The following CEACAM19 variants were observed in gnomAD, a reference collection of about 807,000 sequenced individuals.
CEACAM19 encodes CEA cell adhesion molecule 19.
Under a neutral mutation model 37.6 loss-of-function variants are expected in CEACAM19, and 37 were observed. The observed-to-expected ratio is 0.98, with a 90% confidence interval of 0.76 to 1.29. The LOEUF is 1.29. CEACAM19 is among the 50% of genes most tolerant of loss of function. The pLI is 0.00. For synonymous variants in CEACAM19, 140 were observed against 149.8 expected, an observed-to-expected ratio of 0.93 and a Z score of 0.48; for missense variants, 340 against 375.6, an observed-to-expected ratio of 0.91 and a Z score of 0.78.
At chr19:44,667,849 C>CAATATATATAAATTATATATAATATATA (rs1568512313), upstream of CEACAM19, among the ~76,000 whole-genome samples, 2 of 57,288 alleles carry the variant, frequency 3.5e-5, no homozygotes, top group Admixed American at 3.4e-4. Flanking sequence ...ATAATATATA[C>CAATATATATAAATTATATATAATATATA]AATATATATA....
At chr19:44,667,583 ATG>A (rs1220201093), upstream of CEACAM19, among the ~76,000 whole-genome samples, 2 of 110,040 alleles carry the variant, frequency 1.8e-5, no homozygotes, top group South Asian at 2.3e-4. Flanking sequence ...TAAATTATAT[ATG>A]TATATATTTT....
Position 44,680,063 on chromosome 19 carries a change from A to G in CEACAM19, c.660-225A>G, listed in dbSNP as rs115889949. Among the ~76,000 whole-genome samples, 1,128 of 152,242 alleles carry G rather than the reference A, an allele frequency of 7.4e-3. 19 individuals carry two copies. The highest frequency in any genetic ancestry group is 0.026 in the African/African-American group (1,087 of 41,542). ...TCTCTGTAAATGGTGATGTCTGGGGAACACTATTCATTGGCATAAGGTGGT... is the reference window on the plus strand; with the variant it reads ...TCTCTGTAAATGGTGATGTCTGGGGGACACTATTCATTGGCATAAGGTGGT... On this transcript the variant is annotated intron_variant, in intron 4 of 7. Transcript: ENST00000358777.
At position 44,684,347 on chromosome 19, in the gene CEACAM19, A is replaced by G. The variant is rs965417735; in HGVS notation, c.*857A>G. On this transcript the variant is annotated 3_prime_UTR_variant, in exon 8 of 8. Transcript: ENST00000358777. ...GGGGAAAGAATCAGGAAATAAAATA[A>G]ATAATGAACATGCGTTGTCTGTCAG... is the stretch of plus-strand genomic sequence containing the variant. 4 of 152,098 alleles carry G rather than the reference A, an allele frequency of 2.6e-5. No homozygotes were observed. The highest frequency in any genetic ancestry group is 4.4e-5 in the Non-Finnish European group (3 of 68,022). The allele number at this position is 152,098 out of a possible 1,614,324, so 9.4% of individuals were successfully genotyped here. A position where few individuals can be genotyped will look rare whatever the true frequency, so the allele number is the denominator to read the frequency against.
At chr19:44,666,275 C>T (rs2123779724) in intron 1 of CEACAM19, 1 of 152,286 alleles carries the variant, frequency 6.6e-6, no homozygotes, top group Non-Finnish European at 1.5e-5. Flanking sequence ...ACCGGAAAAT[C>T]CAGAATAGCT....
At chr19:44,678,576 A>C in intron 3 of CEACAM19, 1 of 241,092 alleles carries the variant, frequency 4.1e-6, no homozygotes, top group Non-Finnish European at 7.9e-6. Flanking sequence ...TCGCCTGGCT[A>C]ATTTTTGTAT....
At position 44,682,596 on chromosome 19, in the gene CEACAM19, G is replaced by A. The variant is rs376767671; in HGVS notation, c.822G>A (p.Ala274=). ...RPLPTPPHLQ[A]EPENHQYQDL... is the part of the protein sequence containing the mutation. ...TGCCCACACCCCCACACCTGCAGGC[G>A]GAGCCAGAGAACCACCAGTACCAGG... Residue 274 remains alanine (A), a synonymous_variant, in exon 7 of 8, where the codon GCG becomes GCA. Transcript: ENST00000358777. The A allele has an allele frequency of 2.1e-5, 34 of 1,604,938 alleles. 1 individual carries two copies. The highest frequency in any genetic ancestry group is 4.5e-5 in the South Asian group (4 of 89,302).
upstream of CEACAM19, among the ~76,000 whole-genome samples, chr19:44,669,069 C>T (rs907045584): frequency 9.2e-5 from 14 of 151,590 alleles, no homozygotes; most frequent in African/African-American, 3.4e-4. Context: ...ATCTGCCTGC[C>T]TCTGCCTCCC....
chr19:44,668,012 T>TA (rs1261586506), upstream of CEACAM19, among the ~76,000 whole-genome samples: 4 of 83,074 alleles, frequency 4.8e-5, no homozygotes, highest in Non-Finnish European at 8.2e-5. Flanking sequence ...TAGATTTATA[T>TA]TATTTATATA....
chr19:44,682,621 G>A lies in CEACAM19; in HGVS notation c.846+1G>A, dbSNP rs768956433. On this transcript the variant is annotated splice_donor_variant, in intron 7 of 7. Transcript: ENST00000358777. LOFTEE classifies it high-confidence loss of function. ...GGAGCCAGAGAACCACCAGTACCAGGTATGGAGCTGGGAGCTGGGAGGGGT... is the reference window on the plus strand; with the variant it reads ...GGAGCCAGAGAACCACCAGTACCAGATATGGAGCTGGGAGCTGGGAGGGGT... 6.2e-7 allele frequency: 1 copy of A among 1,601,358 alleles called. No individual in the cohort carries two copies. Among genetic ancestry groups the A allele is most frequent in the East Asian group, 2.3e-5 (1 of 44,368 alleles).
At chr19:44,681,475 G>A (rs1329623448) in intron 6 of CEACAM19, among the ~76,000 whole-genome samples, 163 bp downstream of exon 6, 3 of 152,210 alleles carry the variant, frequency 2.0e-5, no homozygotes, top group Non-Finnish European at 4.4e-5. Flanking sequence ...GAGACTGGAA[G>A]GAAACAGCAC....
At position 44,673,080 on chromosome 19, in the gene CEACAM19, A is replaced by C. The variant is rs570767659; in HGVS notation, c.424+116A>C. On this transcript the variant is annotated intron_variant, in intron 2 of 7. Coordinates refer to ENST00000358777, the MANE Select transcript of CEACAM19 (RefSeq NM_001127893.3). The stretch of plus-strand genomic sequence containing the variant: ...TGGTCCTCTCATTTATTCACTTGAC[A>C]CATATTGAGCATCTACTGTGTACCA... 4.6e-4 allele frequency: 385 copies of C among 842,786 alleles called. 2 individuals are homozygous for C. In the African/African-American group the frequency reaches 5.8e-3, roughly 13 times the overall value. 52.2% of individuals were successfully genotyped at this position (842,786 alleles called of 1,614,324 possible). A position where few individuals can be genotyped will look rare whatever the true frequency, so the allele number is the denominator to read the frequency against.
chr19:44,667,447 G>A (rs1020437826), upstream of CEACAM19: 5 of 148,334 alleles, frequency 3.4e-5, no homozygotes, highest in Admixed American at 3.5e-4. Context: ...CTAGTTTGAG[G>A]AACTGCATTT....
chr19:44,671,090 C>G (rs1414027362), upstream of CEACAM19, among the ~76,000 whole-genome samples: 1 of 146,878 alleles, frequency 6.8e-6, no homozygotes, highest in Non-Finnish European at 1.5e-5. Context: ...AACTCCATCT[C>G]AAAAGAAAAA....
In CEACAM19 at chr19:44,678,919, A is replaced by G. The variant is rs1974003506; in HGVS notation, c.642A>G (p.Ser214=). The change falls in exon 4 of 8, where the codon TCA becomes TCG. Residue 214 remains serine (S), a synonymous_variant. Transcript: ENST00000358777. ...ILCSAVSPVP[S]VTPSTWMATT... is the part of the protein sequence containing the mutation. ...GCTCGGCTGTATCCCCAGTGCCTTC[A>G]GTGACGCCCAGCACATGGTTGGTGC... is the stretch of plus-strand genomic sequence containing the variant. 1 of 1,614,026 alleles carries G rather than the reference A, an allele frequency of 6.2e-7. No homozygotes were observed. The highest frequency in any genetic ancestry group is 1.3e-5 in the African/African-American group (1 of 75,024).
chr19:44,667,830 AT>A (rs1265534102), upstream of CEACAM19, among the ~76,000 whole-genome samples: 28 of 76,584 alleles, frequency 3.7e-4, no homozygotes, highest in Non-Finnish European at 4.6e-4. Flanking sequence ...TAAATTATAT[AT>A]TTTATATATA....
chr19:44,672,379 A>AAAAACC, intron 1 of CEACAM19: 1 of 486,580 alleles, frequency 2.1e-6, no homozygotes, highest in Non-Finnish European at 3.5e-6. Flanking sequence ...TCAAGGTAGA[A>AAAAACC]AAACCTCTGG....
chr19:44,670,807 A>C (rs1167733073), upstream of CEACAM19, among the ~76,000 whole-genome samples: 38 of 140,952 alleles, frequency 2.7e-4, no homozygotes, highest in South Asian at 6.5e-4. Flanking sequence ...AAAAAAAAAA[A>C]AAAACAGGCT....
intron 6 of CEACAM19, among the ~76,000 whole-genome samples, chr19:44,682,189 G>A (rs182687846): frequency 6.6e-6 from 1 of 152,290 alleles, no homozygotes; most frequent in African/African-American, 2.4e-5. Flanking sequence ...GTTTGAGGCT[G>A]CAGCGAGTGG....
upstream of CEACAM19, among the ~76,000 whole-genome samples, chr19:44,667,544 A>G (rs867479087): frequency 2.2e-4 from 28 of 124,596 alleles, no homozygotes; most frequent in African/African-American, 8.0e-4. Context: ...CATTTTACAT[A>G]TATTTTATAT....
Sources: gnomAD v4.1 joint callset for allele counts (sites outside exome capture counted in the v4.1 genomes callset) on GRCh38, gnomAD v4.1.1 for gene constraint, MANE v1.5 for transcripts, NCBI Gene and HGNC (gene_info 2026-07-23, HGNC 2026-07-21) for gene names.